The following CIT variants were observed in gnomAD, a reference collection of about 807,000 sequenced individuals.
CIT encodes citron Rho-interacting kinase.
CIT carries 79 observed loss-of-function variants against 272.7 expected under a neutral mutation model. That is an observed-to-expected ratio of 0.29 (90% CI 0.24 to 0.35). The LOEUF is 0.35. Among genes scored for constraint, CIT ranks in the 10% least tolerant of loss-of-function variants. The pLI is 1.00. For missense variants in CIT, 1,909 were observed against 2,618.3 expected (o/e 0.73, Z 5.91); for synonymous variants, 948 against 995.6 (o/e 0.95, Z 0.90).
At chr12:119,775,738 A>C in intron 16 of CIT, 48 bp downstream of exon 16, 1 of 1,425,508 alleles carries the variant, frequency 7.0e-7, no homozygotes, top group Non-Finnish European at 9.9e-7. Context: ...AGATGTTTGG[A>C]AAGGAGGTGG....
intron 9 of CIT, among the ~76,000 whole-genome samples, chr12:119,815,919 T>C (rs555597663): frequency 6.6e-6 from 1 of 152,184 alleles, no homozygotes; most frequent in African/African-American, 2.4e-5. Context: ...TTTTCTGCTA[T>C]GGGCTATACC....
At chr12:119,852,151 A>T (rs1970260999) in intron 4 of CIT, among the ~76,000 whole-genome samples, 1 of 152,244 alleles carries the variant, frequency 6.6e-6, no homozygotes, top group African/African-American at 2.4e-5. Flanking sequence ...AAATGTGATC[A>T]ACTGAAACAG....
intron 2 of CIT, among the ~76,000 whole-genome samples, chr12:119,869,742 C>A (rs1307236723): frequency 6.6e-6 from 1 of 152,062 alleles, no homozygotes; most frequent in Non-Finnish European, 1.5e-5. Flanking sequence ...TTTTGTTTGG[C>A]CTGTAGTGTT....
At chr12:119,750,169 T>C (rs1960021941) in intron 23 of CIT, among the ~76,000 whole-genome samples, 1 of 152,198 alleles carries the variant, frequency 6.6e-6, no homozygotes, top group Non-Finnish European at 1.5e-5. Flanking sequence ...AAAATATTAA[T>C]ATACATTGCG....
chr12:119,763,855 C>A (rs939441675), intron 19 of CIT, among the ~76,000 whole-genome samples: 1 of 152,124 alleles, frequency 6.6e-6, no homozygotes, highest in Non-Finnish European at 1.5e-5. Context: ...ATTGATAGAG[C>A]GGCAGCCATT....
chr12:119,807,591 C>T (rs1292378266), intron 9 of CIT, among the ~76,000 whole-genome samples: 1 of 151,882 alleles, frequency 6.6e-6, no homozygotes, highest in African/African-American at 2.4e-5. Flanking sequence ...CTAGTAGGTG[C>T]AGAGTAAATA....
At chr12:119,841,991 T>C (rs566096915) in intron 5 of CIT, among the ~76,000 whole-genome samples, 2 of 152,306 alleles carry the variant, frequency 1.3e-5, no homozygotes, top group South Asian at 4.1e-4. Flanking sequence ...GAAGTCATTG[T>C]AAGGTTAGAA....
In CIT at chr12:119,718,830, G is replaced by C; in HGVS notation, c.3872C>G (p.Ala1291Gly). ...GLFSRRKEDP[A>G]LPTQVPLQYN... ...CTGCAGAGGAACCTGTGTGGGTAAA[G>C]CAGGGTCCTCTTTCCGTCGACTAAA... The change falls in exon 31 of 48, where the codon GCT (alanine) becomes GGT (glycine). Residue 1291 changes from alanine (A) to glycine (G), a missense_variant. Physicochemically the swap from Ala to Gly is moderately conservative, Grantham distance 60. Transcript: ENST00000392521. The surrounding 1 kb of genome is among the most constrained non-coding windows in gnomAD (Gnocchi z 4.8). 6.2e-7 allele frequency: 1 copy of C among 1,614,186 alleles called. No individual in the cohort carries two copies. Among genetic ancestry groups the C allele is most frequent in the Non-Finnish European group, 8.5e-7 (1 of 1,180,020 alleles).
At chr12:119,761,132 A>G in intron 19 of CIT, 77 bp from the exon 20 acceptor site, 1 of 1,090,280 alleles carries the variant, frequency 9.2e-7, no homozygotes, top group Non-Finnish European at 1.4e-6. Flanking sequence ...ACACTTGAGA[A>G]AATCTAGGAA....
intron 10 of CIT, among the ~76,000 whole-genome samples, chr12:119,789,194 T>C (rs4766949): frequency 0.44 from 67,232 of 151,980 alleles, 15,433 homozygotes; most frequent in Admixed American, 0.56. Flanking sequence ...AGCTGCTGAG[T>C]GATTGTAATG....
At position 119,876,143 on chromosome 12, in the gene CIT, C is replaced by G. The variant is rs56193743; in HGVS notation, c.26G>C (p.Arg9Pro). 2 of 1,613,640 alleles carry G rather than the reference C, an allele frequency of 1.2e-6. No individual in the cohort carries two copies. The highest frequency in any genetic ancestry group is 4.5e-5 in the East Asian group (2 of 44,852). ...AGCAGCACCAGCATCCAAAGGATTC[C>G]GCGCTCCATATTTGAACTTCAACAT... Reference protein sequence around the residue: MLKFKYGARNPLDAGAAEP... With the variant: MLKFKYGAPNPLDAGAAEP... Residue 9 changes from arginine (R) to proline (P), a missense_variant, in exon 2 of 48, where the codon CGG (arginine) becomes CCG (proline). Arg to Pro is a moderately radical substitution (Grantham distance 103). Transcript: ENST00000392521.
intron 23 of CIT, among the ~76,000 whole-genome samples, chr12:119,750,643 T>A (rs202985): frequency 1.2e-4 from 18 of 151,674 alleles, no homozygotes; most frequent in Admixed American, 5.9e-4. Flanking sequence ...ATACAGACCC[T>A]GGCACTGTCA....
At chr12:119,797,637 A>G (rs1965846235) in intron 10 of CIT, among the ~76,000 whole-genome samples, 1 of 152,248 alleles carries the variant, frequency 6.6e-6, no homozygotes, top group Admixed American at 6.5e-5. Flanking sequence ...CTATTTAAAA[A>G]ATCAAATTGC....
intron 7 of CIT, among the ~76,000 whole-genome samples, chr12:119,827,310 G>A (rs1968253242): frequency 6.6e-6 from 1 of 152,092 alleles, no homozygotes. Context: ...TTAAGTCAAG[G>A]AGAAGACTTA....
intron 3 of CIT, among the ~76,000 whole-genome samples, chr12:119,862,687 A>G (rs1481664612): frequency 6.6e-6 from 1 of 150,800 alleles, no homozygotes; most frequent in African/African-American, 2.4e-5. Flanking sequence ...GCAGGCACCT[A>G]TAATCCCAGC....
chr12:119,809,274 T>C (rs1966766629), intron 9 of CIT, among the ~76,000 whole-genome samples: 1 of 151,954 alleles, frequency 6.6e-6, no homozygotes, highest in Non-Finnish European at 1.5e-5. Context: ...ATCTCAATAG[T>C]GATGGGTGGA....
intron 23 of CIT, among the ~76,000 whole-genome samples, chr12:119,750,781 A>G (rs536681408): frequency 1.3e-5 from 2 of 151,460 alleles, no homozygotes; most frequent in Non-Finnish European, 2.9e-5. Flanking sequence ...AGATAGATAG[A>G]TAGATAGATA....
At chr12:119,760,778 G>A (rs977938511) in intron 20 of CIT, among the ~76,000 whole-genome samples, 161 bp downstream of exon 20, 5 of 152,146 alleles carry the variant, frequency 3.3e-5, no homozygotes, top group Admixed American at 6.5e-5. Context: ...GTTGCTTTTA[G>A]GAAAGGAAAC....
Position 119,750,000 on chromosome 12 carries a change from G to A in CIT, c.2904+2050C>T, listed in dbSNP as rs147803532. On this transcript the variant is annotated intron_variant, in intron 23 of 47. Coordinates refer to ENST00000392521, the MANE Select transcript of CIT (RefSeq NM_001206999.2). The stretch of plus-strand genomic sequence containing the variant: ...GCAGCAAGATAAATGTGTCCTTCTC[G>A]GCTGCTCTGAAATAAACGGATTTGA... 1.7e-3 allele frequency among the ~76,000 whole-genome samples: 264 copies of A among 152,230 alleles called. 2 individuals carry two copies. The highest frequency in any genetic ancestry group is 6.1e-3 in the African/African-American group (254 of 41,532).
Sources: allele counts gnomAD v4.1 joint callset (sites outside exome capture counted in the v4.1 genomes callset), GRCh38; gene constraint gnomAD v4.1.1; non-coding constraint Gnocchi (gnomAD v3.1); transcripts MANE v1.5; gene names NCBI Gene and HGNC (gene_info 2026-07-23, HGNC 2026-07-21).